The following PDP1 variants were observed in gnomAD, a reference collection of about 807,000 sequenced individuals.
PDP1 encodes pyruvate dehydrogenase phosphatase catalytic subunit 1, also known as pyruvate dehyrogenase phosphatase catalytic subunit 1.
PDP1 carries 14 observed loss-of-function variants against 37.1 expected under a neutral mutation model. The observed-to-expected ratio is 0.38, with a 90% CI of 0.25 to 0.59. The LOEUF is 0.59. PDP1 is among the 20% of genes least tolerant of loss of function. The probability of loss-of-function intolerance (pLI) is 0.67; values close to 1 mark genes in which losing one functional copy is unlikely to be tolerated. For missense variants in PDP1, 544 were observed against 655.3 expected, an observed-to-expected ratio of 0.83 and a Z score of 1.85; for synonymous variants, 251 against 243.3, an observed-to-expected ratio of 1.03 and a Z score of -0.29.
intron 1 of PDP1, chr8:93,917,966 C>T (rs1228339137): frequency 1.9e-6 from 3 of 1,613,696 alleles, no homozygotes; most frequent in Non-Finnish European, 1.7e-6. Context: ...ACTTAACTAC[C>T]TGCGTTGGGT....
At chr8:93,919,324 T>G (rs1448856030) in intron 1 of PDP1, among the ~76,000 whole-genome samples, 2 of 152,122 alleles carry the variant, frequency 1.3e-5, no homozygotes, top group African/African-American at 4.8e-5. Context: ...GGTCAGGAGT[T>G]CGAGACCAAC....
At chr8:93,918,620 G>C (rs571528154) in intron 1 of PDP1, among the ~76,000 whole-genome samples, 1 of 152,168 alleles carries the variant, frequency 6.6e-6, no homozygotes, top group Non-Finnish European at 1.5e-5. Flanking sequence ...GAAATTTTCC[G>C]TGAAAATTGT....
intron 1 of PDP1, chr8:93,917,600 T>C (rs924477090): frequency 6.9e-6 from 3 of 435,998 alleles, no homozygotes; most frequent in African/African-American, 6.1e-5. Flanking sequence ...GGGCTGGCCC[T>C]CGGGGCGCAC....
rs1810293398 is a variant in PDP1 at position 93,922,094 on chromosome 8, T to C, written c.35T>C (p.Ile12Thr). ...PAPTQLFFPL[I>T]RNCELSRIYG... is the part of the protein sequence containing the mutation. ...CCAACTCAACTGTTTTTTCCTCTCATCCGTAACTGTGAACTGAGCAGGATC... is the reference window on the plus strand; with the variant it reads ...CCAACTCAACTGTTTTTTCCTCTCACCCGTAACTGTGAACTGAGCAGGATC... Residue 12 changes from isoleucine to threonine, a missense_variant, in exon 2 of 2, where the codon ATC becomes ACC. Around this residue, in one of 5 missense-constraint regions of PDP1, gnomAD observed 342 missense variants for 414.0 expected, o/e 0.83. Transcript: ENST00000297598. The surrounding 1 kb of genome is among the most constrained non-coding windows in gnomAD (Gnocchi z 4.0). 1 of 1,613,666 alleles carries C rather than the reference T, an allele frequency of 6.2e-7. No homozygotes were observed. The highest frequency in any genetic ancestry group is 8.5e-7 in the Non-Finnish European group (1 of 1,179,614).
chr8:93,920,874 A>G, intron 1 of PDP1: 2 of 850,760 alleles, frequency 2.4e-6, no homozygotes, highest in Non-Finnish European at 2.8e-6. Flanking sequence ...GTAATGATCA[A>G]ATCAGAGTGA....
At chr8:93,919,849 T>TTAAG (rs1303362678) in intron 1 of PDP1, 1 of 152,170 alleles carries the variant, frequency 6.6e-6, no homozygotes, top group African/African-American at 2.4e-5. Flanking sequence ...GAGATATGGT[T>TTAAG]TAAGTATGGA....
Position 93,923,775 on chromosome 8 carries a change from A to G in PDP1, c.*102A>G. ...TAAACATTTCCAGTTGGTCATTCTA[A>G]GCATTTACCCTTTTGATACTCTAGC... is the stretch of plus-strand genomic sequence containing the variant. On this transcript the variant is annotated 3_prime_UTR_variant, in exon 2 of 2. Coordinates refer to ENST00000297598, the MANE Select transcript of PDP1 (RefSeq NM_018444.4). The surrounding 1 kb of genome is among the most constrained non-coding windows in gnomAD (Gnocchi z 4.3). 9.9e-7 allele frequency: 1 copy of G among 1,010,750 alleles called. No individual in the cohort carries two copies. The highest frequency in any genetic ancestry group is 1.6e-6 in the Non-Finnish European group (1 of 639,048). The allele number at this position is 1,010,750 out of a possible 1,614,324, so 62.6% of individuals were successfully genotyped here. A position where few individuals can be genotyped will look rare whatever the true frequency, so the allele number is the denominator to read the frequency against.
At chr8:93,921,784 G>C (rs942298616) in intron 1 of PDP1, 9 of 459,570 alleles carry the variant, frequency 2.0e-5, no homozygotes, top group African/African-American at 1.8e-4. Context: ...ATTGAAGTTT[G>C]AGTATAGGAG....
chr8:93,916,936 G>A lies in PDP1; in HGVS notation c.-188G>A, dbSNP rs756885157. The stretch of plus-strand genomic sequence containing the variant: ...GCGGGGCAGGGTGGCGGCCCCGCAC[G>A]GTAGGGGAGCAGAGTGGGCAGGCCG... On this transcript the variant is annotated 5_prime_UTR_variant, in exon 1 of 2. Transcript: ENST00000297598. 11 of 389,638 alleles carry A rather than the reference G, an allele frequency of 2.8e-5. No homozygotes were observed. Among genetic ancestry groups the A allele is most frequent in the South Asian group, 1.5e-4 (8 of 54,706 alleles). The allele number at this position is 389,638 out of a possible 1,614,324, so 24.1% of individuals were successfully genotyped here. A position where few individuals can be genotyped will look rare whatever the true frequency, so the allele number is the denominator to read the frequency against.
intron 1 of PDP1, among the ~76,000 whole-genome samples, chr8:93,917,523 C>T (rs903981523): frequency 6.6e-6 from 1 of 151,464 alleles, no homozygotes; most frequent in Non-Finnish European, 1.5e-5. Flanking sequence ...GGGGCCGGGC[C>T]GGGCAGGGCG....
intron 1 of PDP1, chr8:93,920,725 T>A: frequency 7.9e-6 from 4 of 503,888 alleles, no homozygotes; most frequent in South Asian, 8.8e-5. Flanking sequence ...GTAAATACCT[T>A]TTTTTTTTTT....
chr8:93,918,308 C>T (rs898151085), intron 1 of PDP1, among the ~76,000 whole-genome samples: 1 of 152,174 alleles, frequency 6.6e-6, no homozygotes, highest in African/African-American at 2.4e-5. Flanking sequence ...GGGGTTCCGA[C>T]ACATTAAATG....
At chr8:93,917,287 G>C (rs1032706413) in intron 1 of PDP1, 1 of 150,302 alleles carries the variant, frequency 6.7e-6, no homozygotes, top group African/African-American at 2.4e-5. Context: ...GGCTGGGGGC[G>C]GGGGCGGGGG....
intron 1 of PDP1, among the ~76,000 whole-genome samples, chr8:93,917,475 C>T (rs1030346271): frequency 6.6e-6 from 1 of 151,852 alleles, no homozygotes; most frequent in Non-Finnish European, 1.5e-5. Flanking sequence ...CACCGGCCGG[C>T]CCCTGTTCGT....
chr8:93,922,341 CA>C lies in PDP1; in HGVS notation c.283del (p.Ser95ValfsTer80). 1 of 1,614,168 alleles carries C rather than the reference CA, an allele frequency of 6.2e-7. No homozygotes were observed. The highest frequency in any genetic ancestry group is 8.5e-7 in the Non-Finnish European group (1 of 1,180,012). On this transcript the variant is annotated frameshift_variant, in exon 2 of 2. Transcript: ENST00000297598. LOFTEE classifies it high-confidence loss of function. The surrounding 1 kb of genome is among the most constrained non-coding windows in gnomAD (Gnocchi z 4.0). ...VNSILKANEY[S>X]FKVPEFDGKN... ...ATAGCATCCTTAAAGCTAATGAATA[CA>C]GTTTCAAAGTGCCAGAATTTGACGG...
In PDP1 at chr8:93,923,914, C is replaced by T. The variant is rs1810366048; in HGVS notation, c.*241C>T. 1 of 487,132 alleles carries T rather than the reference C, an allele frequency of 2.1e-6. No individual in the cohort carries two copies. The highest frequency in any genetic ancestry group is 2.0e-5 in the African/African-American group (1 of 51,112). The allele number at this position is 487,132 out of a possible 1,614,324, so 30.2% of individuals were successfully genotyped here. A position where few individuals can be genotyped will look rare whatever the true frequency, so the allele number is the denominator to read the frequency against. ...CTTGAAGCAAGTCACTTCTTTATCA[C>T]AGGTGTCTTGAAACATTAGCTTCTT... On this transcript the variant is annotated 3_prime_UTR_variant, in exon 2 of 2. Coordinates refer to ENST00000297598, the MANE Select transcript of PDP1 (RefSeq NM_018444.4). The surrounding 1 kb of genome is among the most constrained non-coding windows in gnomAD (Gnocchi z 4.3).
chr8:93,918,394 A>C (rs1428088591), intron 1 of PDP1, among the ~76,000 whole-genome samples: 1 of 152,218 alleles, frequency 6.6e-6, no homozygotes, highest in Non-Finnish European at 1.5e-5. Flanking sequence ...GTGCCTTAAT[A>C]GCATTTGCTA....
At chr8:93,921,979 CT>C in intron 1 of PDP1, 36 bp from the exon 2 acceptor site, 1 of 1,396,422 alleles carries the variant, frequency 7.2e-7, no homozygotes, top group South Asian at 1.4e-5. Flanking sequence ...AAATGTAACT[CT>C]TTCCTTTGTG....
intron 1 of PDP1, chr8:93,921,782 T>G (rs1810279127): frequency 2.2e-6 from 1 of 454,380 alleles, no homozygotes; most frequent in Admixed American, 3.9e-5. Flanking sequence ...AAATTGAAGT[T>G]TGAGTATAGG....
Sources: allele counts gnomAD v4.1 joint callset (sites outside exome capture counted in the v4.1 genomes callset), GRCh38; gene constraint gnomAD v4.1.1; regional missense constraint gnomAD v4.1.1; non-coding constraint Gnocchi (gnomAD v3.1); transcripts MANE v1.5; gene names NCBI Gene and HGNC (gene_info 2026-07-23, HGNC 2026-07-21).